SCAPER: variants seen among roughly 807,000 people sequenced by gnomAD.
SCAPER encodes S phase cyclin A-associated protein in the endoplasmic reticulum.
SCAPER carries 98 observed loss-of-function variants against 182.2 expected under a neutral mutation model. That is an observed-to-expected ratio of 0.54 (90% confidence interval 0.46 to 0.64). The LOEUF is 0.64. SCAPER is among the 30% of genes least tolerant of loss of function. SCAPER has a pLI of 0.00. For synonymous variants in SCAPER, 605 were observed against 564.6 expected, an observed-to-expected ratio of 1.07 and a Z score of -1.01; for missense variants, 1,432 against 1,690.0, an observed-to-expected ratio of 0.85 and a Z score of 2.68.
chr15:76,570,727 T>C (rs909361915), intron 23 of SCAPER, among the ~76,000 whole-genome samples: 4 of 152,144 alleles, frequency 2.6e-5, no homozygotes, highest in Non-Finnish European at 5.9e-5. Context: ...CTTGTCCTTG[T>C]AAAATTGTTT....
chr15:76,665,920 T>C, intron 20 of SCAPER, 131 bp from the exon 21 acceptor site: 1 of 764,114 alleles, frequency 1.3e-6, no homozygotes, highest in Non-Finnish European at 1.9e-6. Flanking sequence ...CACTGGTTTC[T>C]ACAATTGTTA....
intron 25 of SCAPER, among the ~76,000 whole-genome samples, chr15:76,467,394 C>T (rs1276606562): frequency 6.6e-6 from 1 of 151,868 alleles, no homozygotes; most frequent in Non-Finnish European, 1.5e-5. Flanking sequence ...TCCACATGCC[C>T]CACTCTTCTC....
intron 21 of SCAPER, among the ~76,000 whole-genome samples, chr15:76,624,545 C>G (rs2052395222): frequency 6.6e-6 from 1 of 152,186 alleles, no homozygotes; most frequent in Non-Finnish European, 1.5e-5. Context: ...TTCTGGGACA[C>G]TGCAAATTTG....
intron 24 of SCAPER, among the ~76,000 whole-genome samples, chr15:76,484,109 A>G (rs2051385387): frequency 6.6e-6 from 1 of 152,232 alleles, no homozygotes; most frequent in Non-Finnish European, 1.5e-5. Context: ...CAGTAGGTAA[A>G]TACATAAACA....
chr15:76,730,820 G>A (rs1301182407), intron 16 of SCAPER, among the ~76,000 whole-genome samples: 1 of 152,104 alleles, frequency 6.6e-6, no homozygotes, highest in Non-Finnish European at 1.5e-5. Context: ...AATTACTGCA[G>A]GTATGTGCAA....
At chr15:76,724,109 G>A (rs1424534721) in intron 17 of SCAPER, among the ~76,000 whole-genome samples, 1 of 151,380 alleles carries the variant, frequency 6.6e-6, no homozygotes, top group African/African-American at 2.4e-5. Flanking sequence ...CTCTTTTAGG[G>A]CAGGCCTGGT....
chr15:76,723,105 T>G (rs1001806114), intron 17 of SCAPER, among the ~76,000 whole-genome samples: 1 of 152,188 alleles, frequency 6.6e-6, no homozygotes, highest in African/African-American at 2.4e-5. Context: ...TTTGAATGTG[T>G]CCCAGAGATT....
chr15:76,822,304 G>A (rs2067640792), intron 5 of SCAPER, among the ~76,000 whole-genome samples: 1 of 151,942 alleles, frequency 6.6e-6, no homozygotes, highest in Non-Finnish European at 1.5e-5. Context: ...TAATTTTGTT[G>A]TGAACCTAAA....
intron 14 of SCAPER, among the ~76,000 whole-genome samples, chr15:76,757,889 C>T (rs1234967312): frequency 6.6e-6 from 1 of 152,146 alleles, no homozygotes; most frequent in Non-Finnish European, 1.5e-5. Flanking sequence ...TACCTGTTAG[C>T]CTTTTGGATT....
intron 1 of SCAPER, among the ~76,000 whole-genome samples, chr15:76,902,898 A>T (rs2074872007): frequency 6.6e-6 from 1 of 152,134 alleles, no homozygotes; most frequent in East Asian, 1.9e-4. Context: ...CTCTACTAAA[A>T]ATACAAAAAA....
At chr15:76,726,158 A>C (rs1216242065) in intron 17 of SCAPER, among the ~76,000 whole-genome samples, 1 of 33,036 alleles carries the variant, frequency 3.0e-5, no homozygotes, top group African/African-American at 1.1e-4. Flanking sequence ...TATATATAAA[A>C]AACTCTATAA....
At chr15:76,707,193 G>A (rs2059307807) in intron 17 of SCAPER, among the ~76,000 whole-genome samples, 1 of 151,870 alleles carries the variant, frequency 6.6e-6, no homozygotes, top group Admixed American at 6.6e-5. Context: ...AAAAAGTGGT[G>A]GTTTAATAAG....
chr15:76,723,126 G>T (rs1282358260), intron 17 of SCAPER, among the ~76,000 whole-genome samples: 3 of 151,950 alleles, frequency 2.0e-5, no homozygotes, highest in Non-Finnish European at 4.4e-5. Flanking sequence ...TTGGTATGTT[G>T]TGTCTTTGTT....
intron 29 of SCAPER, among the ~76,000 whole-genome samples, chr15:76,355,737 C>T (rs1363833273): frequency 6.6e-6 from 1 of 152,320 alleles, no homozygotes; most frequent in East Asian, 1.9e-4. Context: ...AAGAGCTTAA[C>T]TGGAACTTAC....
chr15:76,389,120 A>C (rs1248638983), intron 27 of SCAPER, among the ~76,000 whole-genome samples: 1 of 152,140 alleles, frequency 6.6e-6, no homozygotes, highest in Non-Finnish European at 1.5e-5. Flanking sequence ...GGGATGACTT[A>C]ATGGAGAGCT....
At chr15:76,404,201 G>A (rs1220412098) in intron 27 of SCAPER, among the ~76,000 whole-genome samples, 2 of 152,242 alleles carry the variant, frequency 1.3e-5, no homozygotes, top group South Asian at 2.1e-4. Flanking sequence ...TCTAGGCTTT[G>A]TTTCCTTCGA....
At chr15:76,527,225 T>G (rs974386130) in intron 23 of SCAPER, among the ~76,000 whole-genome samples, 2 of 152,206 alleles carry the variant, frequency 1.3e-5, no homozygotes, top group African/African-American at 2.4e-5. Flanking sequence ...CTGTTATAAA[T>G]TCTTGTTCTA....
intron 16 of SCAPER, 101 bp downstream of exon 16, chr15:76,733,128 C>T: frequency 4.0e-6 from 4 of 1,005,932 alleles, no homozygotes; most frequent in Non-Finnish European, 5.7e-6. Flanking sequence ...TACAATCTCC[C>T]ATCTCCGCAC....
At chr15:76,635,465 C>T (rs1251705421) in intron 21 of SCAPER, among the ~76,000 whole-genome samples, 4 of 152,108 alleles carry the variant, frequency 2.6e-5, no homozygotes, top group Non-Finnish European at 5.9e-5. Flanking sequence ...TATAATGAAA[C>T]AACATTATTT....
Sources: gnomAD v4.1 joint callset for allele counts (sites outside exome capture counted in the v4.1 genomes callset) on GRCh38, gnomAD v4.1.1 for gene constraint, MANE v1.5 for transcripts, NCBI Gene and HGNC (gene_info 2026-07-23, HGNC 2026-07-21) for gene names.